Variants in PDE5A observed in about 807,000 individuals in gnomAD.
PDE5A encodes the protein phosphodiesterase 5A.
PDE5A carries 67 observed loss-of-function variants against 110.2 expected under a neutral mutation model. That is an observed-to-expected ratio of 0.61 (90% CI 0.50 to 0.75). The LOEUF (loss-of-function observed/expected upper bound fraction) is 0.75. PDE5A is among the 30% of genes least tolerant of loss of function. The pLI is 0.00. For missense variants in PDE5A, 862 were observed against 1,045.1 expected, an observed-to-expected ratio of 0.82 and a Z score of 2.42; for synonymous variants, 328 against 351.2, an observed-to-expected ratio of 0.93 and a Z score of 0.74.
chr4:119,542,713 G>T, intron 9 of PDE5A, 79 bp from the exon 10 acceptor site: 3 of 1,267,360 alleles, frequency 2.4e-6, no homozygotes, highest in Non-Finnish European at 2.3e-6. Flanking sequence ...CACACCCAAA[G>T]ATTGTCTTAC....
chr4:119,550,489 C>T (rs1161463270), intron 9 of PDE5A: 1 of 152,276 alleles, frequency 6.6e-6, no homozygotes, highest in African/African-American at 2.4e-5. Context: ...GTGGCGCTAA[C>T]ACAATGCTGT....
intron 9 of PDE5A, among the ~76,000 whole-genome samples, chr4:119,547,614 T>C (rs911659103): frequency 2.6e-5 from 4 of 152,070 alleles, no homozygotes; most frequent in African/African-American, 9.6e-5. Context: ...TTTGACCATG[T>C]ACCTTCAGTT....
At chr4:119,610,204 A>G (rs1380834097) in intron 1 of PDE5A, among the ~76,000 whole-genome samples, 1 of 152,222 alleles carries the variant, frequency 6.6e-6, no homozygotes, top group Non-Finnish European at 1.5e-5. Context: ...AGTGAAGGTG[A>G]CACACTCTGG....
intron 1 of PDE5A, among the ~76,000 whole-genome samples, chr4:119,628,310 C>CAT (rs1730436060): frequency 6.6e-6 from 1 of 152,224 alleles, no homozygotes; most frequent in Admixed American, 6.5e-5. Flanking sequence ...TCGGCAAGTA[C>CAT]ATTTTTGTAT....
At chr4:119,511,517 A>G (rs948568681) in intron 14 of PDE5A, among the ~76,000 whole-genome samples, 2 of 152,124 alleles carry the variant, frequency 1.3e-5, no homozygotes, top group African/African-American at 4.8e-5. Flanking sequence ...AATCTGAAAC[A>G]AATTCATGTT....
rs777089446 is a variant in PDE5A, at chr4:119,628,587, A to G, written c.85T>C (p.Ser29Pro). 1.2e-6 allele frequency: 2 copies of G among 1,613,098 alleles called. No homozygotes were observed. Among genetic ancestry groups the G allele is most frequent in the East Asian group, 2.2e-5 (1 of 44,846 alleles). Reference protein sequence around the residue: ...QQKQQQRDQDSVEAWLDDHWD... With the variant: ...QQKQQQRDQDPVEAWLDDHWD... The stretch of plus-strand genomic sequence containing the variant: ...TGATCGTCCAGCCATGCTTCGACCG[A>G]GTCCTGATCCCTCTGCTGCTGCTTC... Residue 29 changes from serine to proline, a missense_variant, in exon 1 of 21, where the codon TCG becomes CCG. Coordinates refer to ENST00000354960, the MANE Select transcript of PDE5A (RefSeq NM_001083.4).
chr4:119,509,850 G>T, intron 15 of PDE5A, among the ~76,000 whole-genome samples: 1 of 152,042 alleles, frequency 6.6e-6, no homozygotes. Context: ...AGAGAGAGGG[G>T]TGTGGAGTTC....
intron 1 of PDE5A, 134 bp downstream of exon 1, chr4:119,628,386 T>A: frequency 3.2e-6 from 2 of 619,096 alleles, no homozygotes; most frequent in Non-Finnish European, 5.5e-6. Flanking sequence ...TCGCTTAGAG[T>A]TGAGGTTTCT....
intron 3 of PDE5A, among the ~76,000 whole-genome samples, chr4:119,574,819 A>T (rs1728273221): frequency 6.6e-6 from 1 of 152,226 alleles, no homozygotes; most frequent in Non-Finnish European, 1.5e-5. Context: ...CTTCAAGAAA[A>T]AGCAAAACTA....
At chr4:119,565,453 A>C (rs1727897005) in intron 4 of PDE5A, 43 bp from the exon 5 acceptor site, 1 of 1,325,120 alleles carries the variant, frequency 7.5e-7, no homozygotes, top group Non-Finnish European at 1.1e-6. Flanking sequence ...TACATAAAAC[A>C]GTCTAGTTAC....
chr4:119,571,522 A>C (rs188727565), intron 3 of PDE5A, among the ~76,000 whole-genome samples: 196 of 152,308 alleles, frequency 1.3e-3, no homozygotes, highest in Non-Finnish European at 1.4e-3. Context: ...GGAGGCTAGA[A>C]GGGCCAAGAG....
rs201835722 is a variant in PDE5A at position 119,567,053 on chromosome 4, T to C, written c.903+20A>G. On this transcript the variant is annotated intron_variant, in intron 4 of 20. Transcript: ENST00000354960. Reference sequence around the variant, plus strand: ...AAGCATCTTCCTAAATTGGCTCATGTCTGACACAAGTTTTGGTACCTTTTC... The same window carrying C: ...AAGCATCTTCCTAAATTGGCTCATGCCTGACACAAGTTTTGGTACCTTTTC... 1.2e-4 allele frequency: 194 copies of C among 1,579,742 alleles called. No individual in the cohort carries two copies. Among genetic ancestry groups the C allele is most frequent in the Non-Finnish European group, 1.6e-4 (183 of 1,148,852 alleles).
chr4:119,563,930 T>C (rs1047013775), intron 5 of PDE5A, among the ~76,000 whole-genome samples: 1 of 151,886 alleles, frequency 6.6e-6, no homozygotes, highest in Admixed American at 6.6e-5. Flanking sequence ...GTAGAGAAGA[T>C]GAATTATCAA....
At chr4:119,571,513 G>A (rs1015060703) in intron 3 of PDE5A, among the ~76,000 whole-genome samples, 1 of 152,172 alleles carries the variant, frequency 6.6e-6, no homozygotes, top group Non-Finnish European at 1.5e-5. Flanking sequence ...GCAGCCTATG[G>A]AGGCTAGAAG....
intron 3 of PDE5A, among the ~76,000 whole-genome samples, chr4:119,576,893 C>A (rs1728372689): frequency 1.3e-5 from 2 of 152,092 alleles, no homozygotes; most frequent in South Asian, 2.1e-4. Context: ...ATCAATGAAT[C>A]CAGGAGCTGG....
chr4:119,517,767 A>C (rs1725968175), intron 14 of PDE5A, among the ~76,000 whole-genome samples: 1 of 151,864 alleles, frequency 6.6e-6, no homozygotes, highest in Non-Finnish European at 1.5e-5. Context: ...ACATACTAAT[A>C]ATATTATGTT....
chr4:119,511,578 T>C (rs1009129685), intron 14 of PDE5A, among the ~76,000 whole-genome samples: 8 of 152,098 alleles, frequency 5.3e-5, no homozygotes, highest in African/African-American at 1.7e-4. Flanking sequence ...TATTCATGTG[T>C]GCCTGCAAAT....
rs1009951755 is a variant in PDE5A at position 119,553,513 on chromosome 4, G to A, written c.1308+125C>T. On this transcript the variant is annotated intron_variant, in intron 8 of 20. Coordinates refer to ENST00000354960, the MANE Select transcript of PDE5A (RefSeq NM_001083.4). ...ATTTTATTCTCCTTCCTCAGATGAG[G>A]GAAAGCACAGATCATTCCTAAACAG... 7 of 680,430 alleles carry A rather than the reference G, an allele frequency of 1.0e-5. No homozygotes were observed. In the African/African-American group the frequency reaches 1.3e-4, roughly 12 times the overall value. 42.1% of individuals were successfully genotyped at this position (680,430 alleles called of 1,614,324 possible).
At chr4:119,574,516 C>G (rs1418816014) in intron 3 of PDE5A, among the ~76,000 whole-genome samples, 1 of 151,978 alleles carries the variant, frequency 6.6e-6, no homozygotes, top group Non-Finnish European at 1.5e-5. Flanking sequence ...CTTTTATACT[C>G]AAGGAATCAT....
Sources: gnomAD v4.1 joint callset for allele counts (sites outside exome capture counted in the v4.1 genomes callset) on GRCh38, gnomAD v4.1.1 for gene constraint, MANE v1.5 for transcripts, NCBI Gene and HGNC (gene_info 2026-07-23, HGNC 2026-07-21) for gene names.